Variants in THRB observed in about 807,000 individuals in gnomAD.
The protein encoded by THRB is thyroid hormone receptor beta, also known as nuclear receptor subfamily 1 group A member 2.
Under a neutral mutation model 47.8 loss-of-function variants are expected in THRB, and 12 were observed. The ratio of observed to expected loss-of-function variants is 0.25; its 90% CI spans 0.16 to 0.41. The LOEUF (loss-of-function observed/expected upper bound fraction) is 0.41. Ranked by LOEUF, THRB falls within the 10% of genes least tolerant of loss-of-function variation. The probability of loss-of-function intolerance (pLI) is 1.00; values close to 1 mark genes in which losing one functional copy is unlikely to be tolerated. For missense variants in THRB, 348 were observed against 589.2 expected (o/e 0.59, Z 4.24); for synonymous variants, 218 against 212.2 (o/e 1.03, Z -0.24).
intron 7 of THRB, 79 bp downstream of exon 7, chr3:24,146,596 C>G: frequency 6.7e-7 from 1 of 1,484,528 alleles, no homozygotes; most frequent in Non-Finnish European, 9.4e-7. Flanking sequence ...GCCTTCTTTT[C>G]TGCCCAGTCG....
chr3:24,341,575 T>C (rs1252786594), intron 1 of THRB, among the ~76,000 whole-genome samples: 2 of 152,128 alleles, frequency 1.3e-5, no homozygotes, highest in East Asian at 1.9e-4. Flanking sequence ...TTGTTAACAA[T>C]AGGCACAATA....
intron 5 of THRB, among the ~76,000 whole-genome samples, chr3:24,173,156 G>C (rs1256955841): frequency 6.6e-6 from 1 of 152,162 alleles, no homozygotes; most frequent in East Asian, 1.9e-4. Context: ...GGTGGGGACA[G>C]CAAGCCCTCC....
chr3:24,320,901 T>TA (rs1203853795), intron 2 of THRB, among the ~76,000 whole-genome samples: 2 of 151,972 alleles, frequency 1.3e-5, no homozygotes, highest in African/African-American at 4.8e-5. Context: ...TCTCACCAAT[T>TA]AGACTGTGAA....
intron 1 of THRB, among the ~76,000 whole-genome samples, chr3:24,406,249 A>G (rs2067818077): frequency 1.3e-5 from 2 of 151,720 alleles, no homozygotes; most frequent in Non-Finnish European, 2.9e-5. Flanking sequence ...AAATATATAG[A>G]GAATTTTATA....
chr3:24,233,555 A>AAGAGAAAG (rs1237182266), intron 3 of THRB, among the ~76,000 whole-genome samples: 2 of 19,624 alleles, frequency 1.0e-4, no homozygotes, highest in Non-Finnish European at 2.9e-4. Context: ...GAAAGAAAGA[A>AAGAGAAAG]AAAGGAAGAA....
At chr3:24,166,947 CTGTT>C (rs774569947) in intron 5 of THRB, among the ~76,000 whole-genome samples, 1 of 151,952 alleles carries the variant, frequency 6.6e-6, no homozygotes, top group Non-Finnish European at 1.5e-5. Context: ...TATGGGGTGT[CTGTT>C]AAGTACAAAG....
At chr3:24,368,048 C>G (rs1364077692) in intron 1 of THRB, among the ~76,000 whole-genome samples, 1 of 152,042 alleles carries the variant, frequency 6.6e-6, no homozygotes, top group Non-Finnish European at 1.5e-5. Context: ...GTTCACTAAT[C>G]CCACATACAA....
At chr3:24,377,396 C>T (rs1272025796) in intron 1 of THRB, among the ~76,000 whole-genome samples, 1 of 151,738 alleles carries the variant, frequency 6.6e-6, no homozygotes, top group African/African-American at 2.4e-5. Context: ...TCCTCTTTGG[C>T]ATAGGTCTAT....
At chr3:24,153,318 C>G (rs1469739648) in intron 5 of THRB, among the ~76,000 whole-genome samples, 5 of 152,126 alleles carry the variant, frequency 3.3e-5, no homozygotes, top group Non-Finnish European at 7.4e-5. Context: ...GGACTAAAAC[C>G]CCAGTCTCTT....
intron 3 of THRB, among the ~76,000 whole-genome samples, chr3:24,276,608 C>T (rs1297882676): frequency 6.6e-6 from 1 of 152,240 alleles, no homozygotes; most frequent in East Asian, 1.9e-4. Flanking sequence ...AGTGACTGTA[C>T]AGACATGTTA....
intron 1 of THRB, among the ~76,000 whole-genome samples, chr3:24,477,472 C>A (rs1249213032): frequency 6.6e-6 from 1 of 152,038 alleles, no homozygotes; most frequent in Admixed American, 6.5e-5. Flanking sequence ...ATGCAGATCC[C>A]GGGTTCAGCA....
At position 24,190,343 on chromosome 3, in the gene THRB, T is replaced by G; in HGVS notation, c.23-9A>C. ...GGCTGTAAGGCCATTTTCTAAAGGGTTGAAAAACACGAGATGACGAGCTGT... is the reference window on the plus strand; with the variant it reads ...GGCTGTAAGGCCATTTTCTAAAGGGGTGAAAAACACGAGATGACGAGCTGT... On this transcript the variant is annotated splice_polypyrimidine_tract_variant and intron_variant, in intron 4 of 10. Coordinates refer to ENST00000646209, the MANE Select transcript of THRB (RefSeq NM_001354712.2). The G allele has an allele frequency of 6.2e-7, 1 of 1,613,990 alleles. No homozygotes were observed. Among genetic ancestry groups the G allele is most frequent in the Non-Finnish European group, 8.5e-7 (1 of 1,179,910 alleles).
chr3:24,169,883 A>G (rs2040200999), intron 5 of THRB, among the ~76,000 whole-genome samples: 2 of 152,096 alleles, frequency 1.3e-5, no homozygotes, highest in South Asian at 4.1e-4. Flanking sequence ...CTACCATGGC[A>G]GAGTTGAGTA....
chr3:24,310,133 A>G (rs1485909421), intron 2 of THRB, among the ~76,000 whole-genome samples: 1 of 152,206 alleles, frequency 6.6e-6, no homozygotes, highest in Non-Finnish European at 1.5e-5. Flanking sequence ...GTGCTTATTT[A>G]AAATCTCTCT....
intron 1 of THRB, among the ~76,000 whole-genome samples, chr3:24,419,928 G>A (rs768944100): frequency 7.9e-5 from 12 of 151,794 alleles, no homozygotes; most frequent in Non-Finnish European, 1.2e-4. Context: ...GTCTGGAGGG[G>A]TTAAAAGAAT....
chr3:24,197,843 G>C (rs1006952030), intron 4 of THRB, among the ~76,000 whole-genome samples: 3 of 152,212 alleles, frequency 2.0e-5, no homozygotes, highest in Non-Finnish European at 4.4e-5. Context: ...CTGTGAGCAG[G>C]GAAGACAGAA....
At chr3:24,274,946 A>G (rs186198414) in intron 3 of THRB, among the ~76,000 whole-genome samples, 5 of 152,236 alleles carry the variant, frequency 3.3e-5, no homozygotes, top group Non-Finnish European at 5.9e-5. Context: ...TCTGAACTCT[A>G]AATTATGTGT....
intron 3 of THRB, among the ~76,000 whole-genome samples, chr3:24,285,751 T>C (rs1340393313): frequency 6.6e-6 from 1 of 152,200 alleles, no homozygotes; most frequent in Admixed American, 6.5e-5. Context: ...TGCTAAATTA[T>C]ACCTATTCTT....
intron 1 of THRB, among the ~76,000 whole-genome samples, chr3:24,460,060 T>C (rs1252389665): frequency 1.3e-5 from 2 of 152,162 alleles, no homozygotes; most frequent in African/African-American, 4.8e-5. Context: ...CTGTCCTCTT[T>C]TCTTTGCTTC....
Sources: gnomAD v4.1 joint callset for allele counts (sites outside exome capture counted in the v4.1 genomes callset) on GRCh38, gnomAD v4.1.1 for gene constraint, MANE v1.5 for transcripts, NCBI Gene and HGNC (gene_info 2026-07-23, HGNC 2026-07-21) for gene names.